The following EPC1 variants were observed in gnomAD, a reference collection of about 807,000 sequenced individuals.
EPC1 encodes the protein enhancer of polycomb 1.
EPC1 carries 12 observed loss-of-function variants against 98.4 expected under a neutral mutation model. That is an observed-to-expected ratio of 0.12 (90% CI 0.08 to 0.20). The LOEUF is 0.20. Among genes scored for constraint, EPC1 ranks in the 10% least tolerant of loss-of-function variants. The pLI, the probability that EPC1 is intolerant of heterozygous loss-of-function variation, is 1.00. For synonymous variants in EPC1, 357 were observed against 363.9 expected, an observed-to-expected ratio of 0.98 and a Z score of 0.21; for missense variants, 729 against 990.5, an observed-to-expected ratio of 0.74 and a Z score of 3.54.
At chr10:32,290,387 G>A (rs1487636139) in intron 6 of EPC1, among the ~76,000 whole-genome samples, 6 of 150,578 alleles carry the variant, frequency 4.0e-5, no homozygotes, top group African/African-American at 4.9e-5. Flanking sequence ...TCGGGGAGGC[G>A]AGGCAGGAGA....
chr10:32,363,711 C>T (rs1285177048), intron 1 of EPC1, among the ~76,000 whole-genome samples: 2 of 152,314 alleles, frequency 1.3e-5, no homozygotes, highest in East Asian at 3.9e-4. Flanking sequence ...GTAGGGGACA[C>T]TATTGTGTGT....
chr10:32,345,869 T>C (rs1471696137), intron 1 of EPC1, among the ~76,000 whole-genome samples: 2 of 152,188 alleles, frequency 1.3e-5, no homozygotes, highest in African/African-American at 4.8e-5. Context: ...AATTGGGTCT[T>C]TTCTCCCCCT....
At chr10:32,313,758 T>C (rs951954422) in intron 1 of EPC1, among the ~76,000 whole-genome samples, 1 of 151,914 alleles carries the variant, frequency 6.6e-6, no homozygotes, top group Non-Finnish European at 1.5e-5. Flanking sequence ...TGGTGGCGGG[T>C]GCCTGTAATC....
chr10:32,305,653 T>G, intron 2 of EPC1, 119 bp downstream of exon 2: 1 of 715,248 alleles, frequency 1.4e-6, no homozygotes, highest in Non-Finnish European at 2.1e-6. Flanking sequence ...TACTAACTCT[T>G]AAGCTGATGC....
intron 10 of EPC1, among the ~76,000 whole-genome samples, chr10:32,278,024 A>G (rs1836188629): frequency 6.6e-6 from 1 of 152,202 alleles, no homozygotes; most frequent in South Asian, 2.1e-4. Flanking sequence ...GCTGAGGGGA[A>G]AGTGATGGGT....
intron 1 of EPC1, among the ~76,000 whole-genome samples, chr10:32,334,091 G>C (rs1837805312): frequency 6.6e-6 from 1 of 152,226 alleles, no homozygotes; most frequent in Non-Finnish European, 1.5e-5. Context: ...GGGCAAAGCT[G>C]AGAGCAGGGG....
At chr10:32,341,321 G>A (rs968447930) in intron 1 of EPC1, among the ~76,000 whole-genome samples, 1 of 93,514 alleles carries the variant, frequency 1.1e-5, no homozygotes, top group Non-Finnish European at 2.5e-5. Flanking sequence ...ACATGTCTGT[G>A]TGTGTGTGTC....
chr10:32,271,586 G>A lies in EPC1; in HGVS notation c.2337C>T (p.Val779=). 6.2e-7 allele frequency: 1 copy of A among 1,614,154 alleles called. No homozygotes were observed. The highest frequency in any genetic ancestry group is 1.7e-5 in the Admixed American group (1 of 60,022). The part of the protein sequence containing the change: ...AAAANCQVSK[V]PSSSSVDSVP... ...CTGAATCTACAGAGGATGAAGATGGGACCTTGGAAACTTGACAGTTTGCTG... is the reference window on the plus strand; with the variant it reads ...CTGAATCTACAGAGGATGAAGATGGAACCTTGGAAACTTGACAGTTTGCTG... Residue 779 remains valine, a synonymous_variant, in exon 13 of 14, where the codon GTC becomes GTT. Coordinates refer to ENST00000319778, the MANE Select transcript of EPC1 (RefSeq NM_001272004.3).
chr10:32,291,820 C>G (rs1160946595), intron 5 of EPC1: 2 of 152,014 alleles, frequency 1.3e-5, no homozygotes, highest in African/African-American at 4.8e-5. Flanking sequence ...TTTGTTTCTT[C>G]CTTTTACTTT....
chr10:32,289,384 G>A (rs1366457376), intron 6 of EPC1, among the ~76,000 whole-genome samples: 2 of 146,934 alleles, frequency 1.4e-5, no homozygotes, highest in East Asian at 4.0e-4. Flanking sequence ...AAAATGGTCT[G>A]GTCCCTGGCA....
chr10:32,361,440 T>C (rs1362841663), intron 1 of EPC1, among the ~76,000 whole-genome samples: 3 of 152,200 alleles, frequency 2.0e-5, no homozygotes, highest in South Asian at 2.1e-4. Context: ...GCAGGTATAG[T>C]AGTAGCGCCG....
In EPC1 at chr10:32,365,819, C is replaced by CAAAAA. The variant is rs55769539; in HGVS notation, c.3+12667_3+12671dup. On this transcript the variant is annotated intron_variant, in intron 1 of 13. Transcript: ENST00000375110. ...GGGCAACAGAGAGAGCTCCGTCTCA[C>CAAAAA]AAAAAAAAAAAAAAAAAAAAAAAAA... Among the ~76,000 whole-genome samples the CAAAAA allele has an allele frequency of 4.2e-4, 16 of 38,432 alleles. 1 individual carries two copies. The highest frequency in any genetic ancestry group is 2.0e-3 in the African/African-American group (15 of 7,378). 25.2% of individuals were successfully genotyped at this position (38,432 alleles called of 152,430 possible). A position where few individuals can be genotyped will look rare whatever the true frequency, so the allele number is the denominator to read the frequency against.
intron 1 of EPC1, among the ~76,000 whole-genome samples, chr10:32,327,268 T>C (rs1293752716): frequency 2.0e-5 from 3 of 152,060 alleles, no homozygotes; most frequent in Admixed American, 1.3e-4. Flanking sequence ...CTCATAGAAG[T>C]TGAGGGAAGA....
intron 1 of EPC1, among the ~76,000 whole-genome samples, chr10:32,346,032 C>T (rs1444229269): frequency 6.6e-6 from 1 of 152,176 alleles, no homozygotes; most frequent in African/African-American, 2.4e-5. Context: ...TATCCTCCGA[C>T]CAACTAGCTC....
At chr10:32,273,316 G>A (rs1265662106) in intron 10 of EPC1, 35 bp from the exon 11 acceptor site, 6 of 1,603,674 alleles carry the variant, frequency 3.7e-6, no homozygotes, top group East Asian at 2.2e-5. Flanking sequence ...TTATAAAAAT[G>A]CCCAGCTGTC....
At chr10:32,322,731 G>C (rs1837003569) in intron 1 of EPC1, among the ~76,000 whole-genome samples, 1 of 152,136 alleles carries the variant, frequency 6.6e-6, no homozygotes, top group South Asian at 2.1e-4. Context: ...TATGAGAAAT[G>C]ATAGTTCTCA....
In EPC1 at chr10:32,293,660, T is replaced by G; in HGVS notation, c.391A>C (p.Lys131Gln). The G allele has an allele frequency of 6.2e-7, 1 of 1,613,824 alleles. No homozygotes were observed. The highest frequency in any genetic ancestry group is 8.5e-7 in the Non-Finnish European group (1 of 1,179,868). ...DEVFVNKLKK[K>Q]MDICPLQFEE... is the part of the protein sequence containing the mutation. The stretch of plus-strand genomic sequence containing the variant: ...AATTGCAATGGGCAGATGTCCATTT[T>G]CTTTTTCAGTTTATTCACAAATACT... Residue 131 changes from lysine (K) to glutamine (Q), a missense_variant, in exon 3 of 14, where the codon AAA becomes CAA. Lys to Gln is a moderately conservative substitution (Grantham distance 53, BLOSUM62 1). Transcript: ENST00000319778.
intron 1 of EPC1, among the ~76,000 whole-genome samples, chr10:32,341,234 A>G (rs1838325596): frequency 6.6e-6 from 1 of 152,230 alleles, no homozygotes; most frequent in Non-Finnish European, 1.5e-5. Context: ...AAATTGAGTA[A>G]TAAATGTAAT....
chr10:32,346,925 A>G lies in EPC1; in HGVS notation c.-10T>C. On this transcript the variant is annotated 5_prime_UTR_variant, in exon 1 of 14. Coordinates refer to ENST00000319778, the MANE Select transcript of EPC1 (RefSeq NM_001272004.3). ...ACGACAGTTTACTCATCTCAGGCGC[A>G]GCAGATACCTCTCCGCTCTGGGGAA... 1 of 1,612,812 alleles carries G rather than the reference A, an allele frequency of 6.2e-7. No homozygotes were observed. The highest frequency in any genetic ancestry group is 8.5e-7 in the Non-Finnish European group (1 of 1,179,946).
Sources: allele counts gnomAD v4.1 joint callset (sites outside exome capture counted in the v4.1 genomes callset), GRCh38; gene constraint gnomAD v4.1.1; transcripts MANE v1.5; gene names NCBI Gene and HGNC (gene_info 2026-07-23, HGNC 2026-07-21).